SLC6A6: variants seen among roughly 807,000 people sequenced by gnomAD.
SLC6A6 encodes sodium- and chloride-dependent taurine transporter.
A neutral mutation model predicts 68.8 loss-of-function variants in SLC6A6; 16 were observed. The ratio of observed to expected loss-of-function variants is 0.23; its 90% CI spans 0.16 to 0.35. The LOEUF (loss-of-function observed/expected upper bound fraction) is 0.35. Ranked by LOEUF, SLC6A6 falls within the 10% of genes least tolerant of loss-of-function variation. SLC6A6 has a pLI of 1.00. For missense variants in SLC6A6, 474 were observed against 802.8 expected (o/e 0.59, Z 4.95); for synonymous variants, 312 against 315.4 (o/e 0.99, Z 0.12).
At chr3:14,403,461 G>A (rs1699034385) in intron 1 of SLC6A6, among the ~76,000 whole-genome samples, 1 of 152,194 alleles carries the variant, frequency 6.6e-6, no homozygotes, top group African/African-American at 2.4e-5. Context: ...GGGCACTCGT[G>A]TGTCCTCGGC....
rs778566899 is a variant in SLC6A6, at chr3:14,486,843, A to G, written c.*1836A>G. On this transcript the variant is annotated 3_prime_UTR_variant, in exon 15 of 15. Coordinates refer to ENST00000622186, the MANE Select transcript of SLC6A6 (RefSeq NM_003043.6). ...TGAACCCCATCTTTGGCAGGCATACATATTTCACTGTTTCCAAAGCTATCT... is the reference window on the plus strand; with the variant it reads ...TGAACCCCATCTTTGGCAGGCATACGTATTTCACTGTTTCCAAAGCTATCT... 6.6e-6 allele frequency: 1 copy of G among 152,136 alleles called. No individual in the cohort carries two copies. Among genetic ancestry groups the G allele is most frequent in the Non-Finnish European group, 1.5e-5 (1 of 68,014 alleles). 9.4% of individuals were successfully genotyped at this position (152,136 alleles called of 1,614,324 possible).
At chr3:14,452,710 A>T (rs991353798) in intron 5 of SLC6A6, among the ~76,000 whole-genome samples, 3 of 152,176 alleles carry the variant, frequency 2.0e-5, no homozygotes, top group African/African-American at 7.2e-5. Flanking sequence ...ACTTTCCCAG[A>T]TCCTCATGAG....
At position 14,443,778 on chromosome 3, in the gene SLC6A6, C is replaced by T. The variant is rs760821520; in HGVS notation, c.144C>T (p.Ile48=). Residue 48 remains isoleucine (I), a synonymous_variant, in exon 3 of 15, where the codon ATC becomes ATT. Coordinates refer to ENST00000622186, the MANE Select transcript of SLC6A6 (RefSeq NM_003043.6). ...AGAGGGAGAAGTGGTCTAGCAAGAT[C>T]GACTTTGTGCTCTCTGTGGCTGGCG... ...PPQREKWSSK[I]DFVLSVAGGF... is the part of the protein sequence containing the mutation. 132 of 1,614,030 alleles carry T rather than the reference C, an allele frequency of 8.2e-5. No individual in the cohort carries two copies. The highest frequency in any genetic ancestry group is 1.2e-4 in the African/African-American group (9 of 74,928).
Position 14,451,781 on chromosome 3 carries a change from C to T in SLC6A6, c.599+3965C>T, listed in dbSNP as rs140591389. ...GAATCCCCCTGAAGATAGCCACCAACCCTGCAGCGTCTGACCCTGGGGTTT... is the reference window on the plus strand; with the variant it reads ...GAATCCCCCTGAAGATAGCCACCAATCCTGCAGCGTCTGACCCTGGGGTTT... On this transcript the variant is annotated intron_variant, in intron 5 of 14. Transcript: ENST00000622186. Among the ~76,000 whole-genome samples, 1,067 of 152,290 alleles carry T rather than the reference C, an allele frequency of 7.0e-3. 37 individuals carry two copies. The highest frequency in any genetic ancestry group is 0.036 in the Admixed American group (556 of 15,296).
intron 5 of SLC6A6, among the ~76,000 whole-genome samples, chr3:14,454,893 T>C (rs1301221396): frequency 6.6e-6 from 1 of 152,194 alleles, no homozygotes; most frequent in Non-Finnish European, 1.5e-5. Flanking sequence ...TCTCATGCAC[T>C]GTTCTTCACC....
chr3:14,479,288 C>T, intron 13 of SLC6A6, 103 bp downstream of exon 13: 1 of 785,588 alleles, frequency 1.3e-6, no homozygotes. Flanking sequence ...TCAGCGTGGG[C>T]TTATAATAAA....
At chr3:14,458,233 A>C in intron 6 of SLC6A6, 151 bp downstream of exon 6, 1 of 676,520 alleles carries the variant, frequency 1.5e-6, no homozygotes, top group Non-Finnish European at 2.6e-6. Flanking sequence ...AAAAAGTAAA[A>C]CTCAGGTTTG....
intron 6 of SLC6A6, among the ~76,000 whole-genome samples, chr3:14,458,473 G>T (rs3821593): frequency 6.6e-6 from 1 of 152,022 alleles, no homozygotes; most frequent in African/African-American, 2.4e-5. Flanking sequence ...AGGTTAGCTG[G>T]TAACAGGAGG....
chr3:14,403,233 G>A (rs1699029495), intron 1 of SLC6A6, among the ~76,000 whole-genome samples: 1 of 152,110 alleles, frequency 6.6e-6, no homozygotes, highest in Non-Finnish European at 1.5e-5. Context: ...GCGTGCACAT[G>A]TGTGTTCCGG....
At chr3:14,445,927 G>A in intron 4 of SLC6A6, 76 bp downstream of exon 4, 1 of 1,498,282 alleles carries the variant, frequency 6.7e-7, no homozygotes, top group East Asian at 2.3e-5. Context: ...CCTATTGTCT[G>A]CCAGGTCCAT....
In SLC6A6 at chr3:14,403,669, G is replaced by A. The variant is rs141088058; in HGVS notation, c.-54+822G>A. On this transcript the variant is annotated intron_variant, in intron 1 of 14. Transcript: ENST00000622186. ...ACCAAGGCCCGGAGGGGCAGCCAAG[G>A]GGTAGTGGACAGCCGGCAGGGCCAG... Among the ~76,000 whole-genome samples, 893 of 152,354 alleles carry A rather than the reference G, an allele frequency of 5.9e-3. 7 individuals carry two copies. The highest frequency in any genetic ancestry group is 0.01 in the Middle Eastern group (3 of 294).
At chr3:14,447,528 T>C (rs2124951227) in intron 4 of SLC6A6, 54 bp from the exon 5 acceptor site, 1 of 1,601,586 alleles carries the variant, frequency 6.2e-7, no homozygotes, top group East Asian at 2.2e-5. Context: ...TATGTGGCCG[T>C]GGTGGGTCTG....
At chr3:14,432,485 G>GGAGCCTGACTCCAGC (rs1699747939) in intron 2 of SLC6A6, among the ~76,000 whole-genome samples, 1 of 152,112 alleles carries the variant, frequency 6.6e-6, no homozygotes, top group African/African-American at 2.4e-5. Flanking sequence ...GGCCCCTACA[G>GGAGCCTGACTCCAGC]CAGCCTGACT....
At chr3:14,452,519 C>T (rs1352214169) in intron 5 of SLC6A6, among the ~76,000 whole-genome samples, 3 of 152,214 alleles carry the variant, frequency 2.0e-5, no homozygotes, top group Non-Finnish European at 4.4e-5. Flanking sequence ...CCCCACCAGC[C>T]ACCAGCCCAG....
In SLC6A6 at chr3:14,424,213, T is replaced by G. The variant is rs569147997; in HGVS notation, c.-12+7760T>G. Among the ~76,000 whole-genome samples the G allele has an allele frequency of 4.1e-4, 62 of 152,076 alleles. 1 individual carries two copies. The highest frequency in any genetic ancestry group is 3.4e-3 in the Middle Eastern group (1 of 294). ...ATCCAAAAGTTATGGACTTTTGCTG[T>G]GGTTCAGGCCCCAGCTGGGGCTAGG... On this transcript the variant is annotated intron_variant, in intron 2 of 14. Coordinates refer to ENST00000622186, the MANE Select transcript of SLC6A6 (RefSeq NM_003043.6).
intron 5 of SLC6A6, among the ~76,000 whole-genome samples, chr3:14,448,589 T>C (rs1559301029): frequency 6.6e-6 from 1 of 152,208 alleles, no homozygotes; most frequent in Non-Finnish European, 1.5e-5. Flanking sequence ...TTCAAGCCTC[T>C]GTCTGTATCA....
At chr3:14,466,216 C>T (rs541667473) in intron 6 of SLC6A6, among the ~76,000 whole-genome samples, 3 of 147,228 alleles carry the variant, frequency 2.0e-5, no homozygotes, top group East Asian at 2.0e-4. Flanking sequence ...GAGCCGAGAT[C>T]GTGCCATTGC....
At chr3:14,420,648 C>T (rs899561108) in intron 2 of SLC6A6, among the ~76,000 whole-genome samples, 5 of 152,040 alleles carry the variant, frequency 3.3e-5, no homozygotes, top group African/African-American at 1.2e-4. Context: ...GCCTCCATGC[C>T]TGGCTAATTA....
intron 10 of SLC6A6, among the ~76,000 whole-genome samples, chr3:14,475,726 A>G (rs1441988122): frequency 6.6e-6 from 1 of 152,196 alleles, no homozygotes; most frequent in African/African-American, 2.4e-5. Context: ...CTTTGTTTTT[A>G]GCTCCTTTTG....
Sources: gnomAD v4.1 joint callset for allele counts (sites outside exome capture counted in the v4.1 genomes callset) on GRCh38, gnomAD v4.1.1 for gene constraint, MANE v1.5 for transcripts, NCBI Gene and HGNC (gene_info 2026-07-23, HGNC 2026-07-21) for gene names.